MAP2K1: variants seen among roughly 807,000 people sequenced by gnomAD.
The protein encoded by MAP2K1 is dual specificity mitogen-activated protein kinase kinase 1.
MAP2K1 carries 16 observed loss-of-function variants against 46.3 expected under a neutral mutation model. The ratio of observed to expected loss-of-function variants is 0.35; its 90% CI spans 0.23 to 0.52. The LOEUF is 0.52. MAP2K1 is among the 20% of genes least tolerant of loss of function. MAP2K1 has a pLI of 0.94. For synonymous variants in MAP2K1, 183 were observed against 185.6 expected, an observed-to-expected ratio of 0.99 and a Z score of 0.11; for missense variants, 263 against 497.1, an observed-to-expected ratio of 0.53 and a Z score of 4.48.
chr15:66,463,645 G>C (rs931537200), intron 5 of MAP2K1, among the ~76,000 whole-genome samples: 1 of 152,190 alleles, frequency 6.6e-6, no homozygotes, highest in Non-Finnish European at 1.5e-5. Context: ...ACTACGCCCG[G>C]CTAATTTTTT....
chr15:66,437,503 T>C (rs973897660), intron 3 of MAP2K1, among the ~76,000 whole-genome samples: 1 of 152,200 alleles, frequency 6.6e-6, no homozygotes, highest in Non-Finnish European at 1.5e-5. Flanking sequence ...TTTGCTTTAT[T>C]CTCCCTGGGC....
At chr15:66,469,964 G>A (rs1479252122) in intron 5 of MAP2K1, among the ~76,000 whole-genome samples, 1 of 151,212 alleles carries the variant, frequency 6.6e-6, no homozygotes, top group African/African-American at 2.4e-5. Flanking sequence ...TGCTCCTTCA[G>A]TTTGGCCTGG....
intron 4 of MAP2K1, 85 bp downstream of exon 4, chr15:66,443,442 G>C (rs964565455): frequency 1.4e-5 from 12 of 865,494 alleles, no homozygotes; most frequent in Non-Finnish European, 2.2e-5. Flanking sequence ...AGGAAGATGG[G>C]AAGTCAATGA....
At chr15:66,470,717 C>T (rs1892611840) in intron 5 of MAP2K1, among the ~76,000 whole-genome samples, 1 of 152,148 alleles carries the variant, frequency 6.6e-6, no homozygotes, top group Non-Finnish European at 1.5e-5. Context: ...TGTCAAAGGT[C>T]AGGGGCACCT....
intron 5 of MAP2K1, among the ~76,000 whole-genome samples, chr15:66,473,622 C>G (rs190351249): frequency 6.6e-6 from 1 of 152,100 alleles, no homozygotes; most frequent in Non-Finnish European, 1.5e-5. Context: ...CTCTGTACCC[C>G]CTATACCTTT....
At chr15:66,460,563 A>G (rs1016988705) in intron 5 of MAP2K1, among the ~76,000 whole-genome samples, 2 of 152,168 alleles carry the variant, frequency 1.3e-5, no homozygotes, top group Non-Finnish European at 2.9e-5. Context: ...AAAGTAAGAA[A>G]TAGTTGAAGC....
At chr15:66,479,093 CCTT>C (rs1892853370) in intron 5 of MAP2K1, among the ~76,000 whole-genome samples, 1 of 151,576 alleles carries the variant, frequency 6.6e-6, no homozygotes, top group Non-Finnish European at 1.5e-5. Context: ...TGGGCCTTAG[CCTT>C]CTTTTTTTTT....
At chr15:66,428,266 T>TTGTGCG (rs1290666702) in intron 1 of MAP2K1, among the ~76,000 whole-genome samples, 1 of 124,878 alleles carries the variant, frequency 8.0e-6, no homozygotes, top group African/African-American at 3.0e-5. Flanking sequence ...CCAACAGCAG[T>TTGTGCG]TGTGCGTGTG....
intron 8 of MAP2K1, 71 bp downstream of exon 8, chr15:66,487,363 G>T: frequency 1.4e-6 from 2 of 1,429,238 alleles, no homozygotes; most frequent in Non-Finnish European, 2.0e-6. Context: ...AGGTGGCCGG[G>T]TGCAGTGGTT....
chr15:66,463,639 C>T (rs756433815), intron 5 of MAP2K1, among the ~76,000 whole-genome samples: 8 of 152,222 alleles, frequency 5.3e-5, no homozygotes, highest in African/African-American at 1.9e-4. Context: ...CCTGCCACTA[C>T]GCCCGGCTAA....
rs1007758867 is a variant in MAP2K1 at position 66,406,801 on chromosome 15, C to T, written c.80+19374C>T. ...ATCCCAGCACTTTGGGAGGCTGAGG[C>T]GGGCGGATCACCTGAGCTCCGCAGT... is the stretch of plus-strand genomic sequence containing the variant. On this transcript the variant is annotated intron_variant, in intron 1 of 10. Coordinates refer to ENST00000307102, the MANE Select transcript of MAP2K1 (RefSeq NM_002755.4). Among the ~76,000 whole-genome samples, 3 of 152,166 alleles carry T rather than the reference C, an allele frequency of 2.0e-5. 1 individual carries two copies. The highest frequency in any genetic ancestry group is 7.2e-5 in the African/African-American group (3 of 41,494).
chr15:66,392,673 C>T (rs2093359532), intron 1 of MAP2K1, among the ~76,000 whole-genome samples: 1 of 151,632 alleles, frequency 6.6e-6, no homozygotes, highest in Non-Finnish European at 1.5e-5. Flanking sequence ...CCTGCCTCAG[C>T]CTCCTGAGTA....
intron 5 of MAP2K1, among the ~76,000 whole-genome samples, chr15:66,454,250 C>T (rs1368557031): frequency 6.6e-6 from 1 of 152,124 alleles, no homozygotes; most frequent in Non-Finnish European, 1.5e-5. Flanking sequence ...AGTGAAGTCT[C>T]CATCTCTTGT....
intron 1 of MAP2K1, among the ~76,000 whole-genome samples, chr15:66,389,578 T>A (rs2093352004): frequency 7.0e-6 from 1 of 142,672 alleles, no homozygotes; most frequent in Admixed American, 7.0e-5. Context: ...TGTGGTTTTT[T>A]TTTTTTTTTT....
At chr15:66,390,630 CAT>C (rs916373111) in intron 1 of MAP2K1, among the ~76,000 whole-genome samples, 25 of 152,244 alleles carry the variant, frequency 1.6e-4, no homozygotes, top group Middle Eastern at 6.8e-3. Context: ...TTTGCAGAAA[CAT>C]GTGAGCATAT....
At chr15:66,484,914 C>A in intron 6 of MAP2K1, 76 bp from the exon 7 acceptor site, 3 of 1,206,092 alleles carry the variant, frequency 2.5e-6, no homozygotes, top group Non-Finnish European at 3.7e-6. Flanking sequence ...TGAGAAGGGA[C>A]AGAAGAGAAA....
intron 1 of MAP2K1, among the ~76,000 whole-genome samples, chr15:66,390,686 G>T (rs1323293888): frequency 6.6e-6 from 1 of 152,102 alleles, no homozygotes; most frequent in Admixed American, 6.5e-5. Flanking sequence ...AGATAATATT[G>T]TTCCTCTGTT....
At chr15:66,488,837 T>C in intron 8 of MAP2K1, 2 of 290,330 alleles carry the variant, frequency 6.9e-6, no homozygotes, top group Non-Finnish European at 1.3e-5. Flanking sequence ...CACTCCAAGA[T>C]TTACCATTGT....
At chr15:66,455,219 T>A (rs1452104688) in intron 5 of MAP2K1, among the ~76,000 whole-genome samples, 1 of 152,208 alleles carries the variant, frequency 6.6e-6, no homozygotes, top group Admixed American at 6.5e-5. Context: ...GGCTAGTTGA[T>A]AGTCCATTGC....
Sources: gnomAD v4.1 joint callset for allele counts (sites outside exome capture counted in the v4.1 genomes callset) on GRCh38, gnomAD v4.1.1 for gene constraint, MANE v1.5 for transcripts, NCBI Gene and HGNC (gene_info 2026-07-23, HGNC 2026-07-21) for gene names.